WDFY2: variants seen among roughly 807,000 people sequenced by gnomAD.
The protein encoded by WDFY2 is WD repeat and FYVE domain-containing protein 2.
In WDFY2, 36 loss-of-function variants were observed where a neutral mutation model predicts 56.4. The ratio of observed to expected loss-of-function variants is 0.64; its 90% CI spans 0.49 to 0.84. The LOEUF is 0.84. Ranked by LOEUF, WDFY2 falls within the 40% of genes least tolerant of loss-of-function variation. The pLI is 0.00. For missense variants in WDFY2, 444 were observed against 512.2 expected (o/e 0.87, Z 1.29); for synonymous variants, 176 against 183.7 (o/e 0.96, Z 0.34).
rs1054798213 is a variant in WDFY2, at chr13:51,760,742, T to C, written c.*973T>C. ...CGGATCAGCAGGCATTAGCTTCTCA[T>C]AAGGAGCACGCAACCTAAATCCCTC... On this transcript the variant is annotated 3_prime_UTR_variant, in exon 12 of 12. Coordinates refer to ENST00000298125, the MANE Select transcript of WDFY2 (RefSeq NM_052950.4). 6.6e-6 allele frequency: 1 copy of C among 152,264 alleles called. No homozygotes were observed. Among genetic ancestry groups the C allele is most frequent in the Non-Finnish European group, 1.5e-5 (1 of 68,048 alleles). The allele number at this position is 152,264 out of a possible 1,614,324, so 9.4% of individuals were successfully genotyped here.
intron 6 of WDFY2, among the ~76,000 whole-genome samples, chr13:51,736,060 G>A (rs1952827284): frequency 6.6e-6 from 1 of 152,170 alleles, no homozygotes; most frequent in African/African-American, 2.4e-5. Flanking sequence ...CATGATGGCT[G>A]GGATAGCATA....
In WDFY2 at chr13:51,619,822, A is replaced by G. The variant is rs183794411; in HGVS notation, c.137+34998A>G. 3.0e-4 allele frequency among the ~76,000 whole-genome samples: 46 copies of G among 152,332 alleles called. 1 individual carries two copies. Among genetic ancestry groups the G allele is most frequent in the Non-Finnish European group, 2.6e-4 (18 of 68,038 alleles). On this transcript the variant is annotated intron_variant, in intron 1 of 11. Coordinates refer to ENST00000298125, the MANE Select transcript of WDFY2 (RefSeq NM_052950.4). ...GATAGAAACAGAAGTGAGGTACAGA[A>G]ACAGCTGGATTGGTTACAGCTGGGC...
chr13:51,669,976 T>C (rs1376601259), intron 2 of WDFY2, among the ~76,000 whole-genome samples: 1 of 152,196 alleles, frequency 6.6e-6, no homozygotes, highest in African/African-American at 2.4e-5. Context: ...TATTATAATT[T>C]TATGGGTCTG....
intron 1 of WDFY2, 55 bp from the exon 2 acceptor site, chr13:51,660,540 AT>A: frequency 6.4e-7 from 1 of 1,552,966 alleles, no homozygotes; most frequent in Non-Finnish European, 8.9e-7. Context: ...ATGTATCAGC[AT>A]TTTCCCATGG....
chr13:51,745,688 T>C (rs1953078322), intron 7 of WDFY2, among the ~76,000 whole-genome samples: 1 of 143,480 alleles, frequency 7.0e-6, no homozygotes, highest in Admixed American at 7.2e-5. Context: ...TGACTGTGCT[T>C]CCCCCCTCCT....
chr13:51,706,545 T>G (rs915633154), intron 4 of WDFY2, among the ~76,000 whole-genome samples: 2 of 152,238 alleles, frequency 1.3e-5, no homozygotes, highest in African/African-American at 4.8e-5. Context: ...ACAAGGAAAT[T>G]TATTCCTGAC....
At chr13:51,699,017 G>A (rs777535495) in intron 3 of WDFY2, among the ~76,000 whole-genome samples, 28 of 152,184 alleles carry the variant, frequency 1.8e-4, no homozygotes, top group Non-Finnish European at 3.4e-4. Flanking sequence ...CATATATACT[G>A]CCTCAGATTT....
intron 4 of WDFY2, among the ~76,000 whole-genome samples, chr13:51,708,666 C>G (rs909268499): frequency 1.3e-5 from 2 of 151,380 alleles, no homozygotes; most frequent in African/African-American, 2.4e-5. Flanking sequence ...ATGTAAACCT[C>G]ACAATGTCAG....
chr13:51,608,353 T>G (rs989747650), intron 1 of WDFY2, among the ~76,000 whole-genome samples: 1 of 152,246 alleles, frequency 6.6e-6, no homozygotes, highest in African/African-American at 2.4e-5. Context: ...AGGTTACCAC[T>G]CTTAACATTT....
chr13:51,651,660 G>C (rs1008924907), intron 1 of WDFY2, among the ~76,000 whole-genome samples: 4 of 152,078 alleles, frequency 2.6e-5, no homozygotes, highest in South Asian at 2.1e-4. Flanking sequence ...TTTCTGCCTT[G>C]ATTTTGTTAT....
At chr13:51,677,349 T>C (rs1955905379) in intron 3 of WDFY2, among the ~76,000 whole-genome samples, 1 of 152,228 alleles carries the variant, frequency 6.6e-6, no homozygotes, top group South Asian at 2.1e-4. Flanking sequence ...TCTATGGAAT[T>C]AGAAAGAGTT....
chr13:51,612,045 A>G (rs1346978776), intron 1 of WDFY2, among the ~76,000 whole-genome samples: 2 of 152,150 alleles, frequency 1.3e-5, no homozygotes, highest in African/African-American at 2.4e-5. Flanking sequence ...TCTTCTTACC[A>G]GACAATACAT....
At chr13:51,730,938 G>A (rs1220402647) in intron 6 of WDFY2, among the ~76,000 whole-genome samples, 1 of 152,190 alleles carries the variant, frequency 6.6e-6, no homozygotes, top group Non-Finnish European at 1.5e-5. Flanking sequence ...CTGAGACCAT[G>A]CTGGGCATAT....
At chr13:51,606,049 C>A (rs904808201) in intron 1 of WDFY2, among the ~76,000 whole-genome samples, 1 of 152,224 alleles carries the variant, frequency 6.6e-6, no homozygotes, top group Non-Finnish European at 1.5e-5. Flanking sequence ...AAGCCAGTAA[C>A]ATCTACTTGG....
At chr13:51,713,846 CAAA>C (rs763208351) in intron 4 of WDFY2, among the ~76,000 whole-genome samples, 2 of 55,368 alleles carry the variant, frequency 3.6e-5, no homozygotes, top group Non-Finnish European at 3.8e-5. Flanking sequence ...GATTCCATCT[CAAA>C]AAAAAAAAAA....
intron 1 of WDFY2, among the ~76,000 whole-genome samples, chr13:51,656,125 T>C (rs1955505575): frequency 6.6e-6 from 1 of 151,708 alleles, no homozygotes; most frequent in Non-Finnish European, 1.5e-5. Context: ...TTAGTTTGCT[T>C]TTCCTTAAGG....
At chr13:51,742,208 T>C (rs1470828697) in intron 7 of WDFY2, among the ~76,000 whole-genome samples, 1 of 152,222 alleles carries the variant, frequency 6.6e-6, no homozygotes, top group Non-Finnish European at 1.5e-5. Context: ...AAATGTGACA[T>C]TTTTATAACT....
At chr13:51,639,686 T>G (rs1955120113) in intron 1 of WDFY2, among the ~76,000 whole-genome samples, 1 of 152,212 alleles carries the variant, frequency 6.6e-6, no homozygotes, top group South Asian at 2.1e-4. Flanking sequence ...GGAAAGTAGA[T>G]GGATATTCGA....
chr13:51,621,815 A>G lies in WDFY2; in HGVS notation c.137+36991A>G, dbSNP rs1427898326. ...CTGGAGCAGCCATGTGGTACTAATG[A>G]CTCTAAAACTTGGGTGGAGGGTTGA... On this transcript the variant is annotated intron_variant, in intron 1 of 11. Coordinates refer to ENST00000298125, the MANE Select transcript of WDFY2 (RefSeq NM_052950.4). 3.3e-5 allele frequency among the ~76,000 whole-genome samples: 5 copies of G among 151,998 alleles called. No homozygotes were observed. In the East Asian group the frequency reaches 9.7e-4, roughly 29 times the overall value.
Sources: allele counts gnomAD v4.1 joint callset (sites outside exome capture counted in the v4.1 genomes callset), GRCh38; gene constraint gnomAD v4.1.1; transcripts MANE v1.5; gene names NCBI Gene and HGNC (gene_info 2026-07-23, HGNC 2026-07-21).